The following RYR3 variants were observed in gnomAD, a reference collection of about 807,000 sequenced individuals.
The protein encoded by RYR3 is ryanodine receptor 3, also known as brain ryanodine receptor-calcium release channel.
RYR3 carries 207 observed loss-of-function variants against 584.3 expected under a neutral mutation model. The observed-to-expected ratio is 0.35, with a 90% CI of 0.32 to 0.40. RYR3 has a LOEUF of 0.40. Ranked by LOEUF, RYR3 falls within the 10% of genes least tolerant of loss-of-function variation. The probability of loss-of-function intolerance (pLI) is 1.00; values close to 1 mark genes in which losing one functional copy is unlikely to be tolerated. For synonymous variants in RYR3, 2,416 were observed against 2,248.5 expected, an observed-to-expected ratio of 1.07 and a Z score of -2.11; for missense variants, 5,616 against 6,089.2, an observed-to-expected ratio of 0.92 and a Z score of 2.59.
At chr15:33,405,434 T>C (rs889861231) in intron 1 of RYR3, among the ~76,000 whole-genome samples, 2 of 152,216 alleles carry the variant, frequency 1.3e-5, no homozygotes, top group Non-Finnish European at 2.9e-5. Context: ...CACCTGGGAC[T>C]ATGGGAGGTT....
At chr15:33,416,802 G>C (rs867527487) in intron 1 of RYR3, among the ~76,000 whole-genome samples, 2 of 152,042 alleles carry the variant, frequency 1.3e-5, no homozygotes, top group African/African-American at 4.8e-5. Context: ...ACATCTTCTT[G>C]TAGGATTTTT....
chr15:33,854,349 T>C (rs1455486442), intron 96 of RYR3, 40 bp from the exon 97 acceptor site: 1 of 1,523,276 alleles, frequency 6.6e-7, no homozygotes, highest in Non-Finnish European at 8.9e-7. Context: ...TAACTACCTC[T>C]TGACATTTAT....
intron 12 of RYR3, among the ~76,000 whole-genome samples, chr15:33,574,019 T>G (rs572868327): frequency 6.6e-6 from 1 of 152,222 alleles, no homozygotes; most frequent in Admixed American, 6.5e-5. Flanking sequence ...AGACAGAAAA[T>G]TAGACCTGAA....
chr15:33,422,391 G>A lies in RYR3; in HGVS notation c.52-51028G>A, dbSNP rs1040616689. Among the ~76,000 whole-genome samples, 15 of 152,234 alleles carry A rather than the reference G, an allele frequency of 9.9e-5. No homozygotes were observed. In the South Asian group the frequency reaches 1.2e-3, roughly 13 times the overall value. ...AACCATTTATGGAATACTAGTCCTT[G>A]TAGAGAAATATGGAATGGCATATTT... is the stretch of plus-strand genomic sequence containing the variant. On this transcript the variant is annotated intron_variant, in intron 1 of 103. Transcript: ENST00000634891.
At chr15:33,520,390 G>C (rs898136107) in intron 3 of RYR3, among the ~76,000 whole-genome samples, 3 of 152,154 alleles carry the variant, frequency 2.0e-5, no homozygotes, top group African/African-American at 7.2e-5. Flanking sequence ...GAAATAATTG[G>C]GCAGAGCTCT....
At chr15:33,861,419 A>G (rs886282331) in intron 102 of RYR3, among the ~76,000 whole-genome samples, 3 of 151,942 alleles carry the variant, frequency 2.0e-5, no homozygotes, top group African/African-American at 4.8e-5. Flanking sequence ...TCCATCCGGG[A>G]CACATACCTC....
intron 5 of RYR3, 67 bp downstream of exon 5, chr15:33,533,456 A>T: frequency 2.8e-6 from 3 of 1,079,556 alleles, no homozygotes; most frequent in Non-Finnish European, 4.2e-6. Flanking sequence ...TTTGAGAAGG[A>T]CCCTGAATGC....
Position 33,464,501 on chromosome 15 carries a change from T to C in RYR3, c.52-8918T>C, listed in dbSNP as rs369336704. Among the ~76,000 whole-genome samples the C allele has an allele frequency of 4.5e-3, 453 of 100,098 alleles. 6 individuals are homozygous for C. The highest frequency in any genetic ancestry group is 0.017 in the African/African-American group (405 of 24,230). 65.7% of individuals were successfully genotyped at this position (100,098 alleles called of 152,430 possible). A position where few individuals can be genotyped will look rare whatever the true frequency, so the allele number is the denominator to read the frequency against. Reference sequence around the variant, plus strand: ...ATATATATATATATACACATATATATATACATACACATACACATATATGTA... The same window carrying C: ...ATATATATATATATACACATATATACATACATACACATACACATATATGTA... On this transcript the variant is annotated intron_variant, in intron 1 of 103. Transcript: ENST00000634891.
chr15:33,416,239 CA>C (rs1456317763), intron 1 of RYR3, among the ~76,000 whole-genome samples: 4 of 152,114 alleles, frequency 2.6e-5, no homozygotes, highest in Non-Finnish European at 5.9e-5. Flanking sequence ...ATTGCTGGGT[CA>C]AATGGTAATT....
At chr15:33,789,006 C>G (rs2074921726) in intron 67 of RYR3, among the ~76,000 whole-genome samples, 1 of 152,066 alleles carries the variant, frequency 6.6e-6, no homozygotes, top group African/African-American at 2.4e-5. Flanking sequence ...ACTGAGAAAT[C>G]AACATTTGAG....
chr15:33,336,899 C>CA (rs1189219768), intron 1 of RYR3, among the ~76,000 whole-genome samples: 71 of 147,732 alleles, frequency 4.8e-4, no homozygotes, highest in South Asian at 2.2e-3. Context: ...ACTAAAAATA[C>CA]AAAAAAAAAT....
In RYR3 at chr15:33,843,589, A is replaced by G; in HGVS notation, c.13296+15A>G. ...TTTTTTATAAGGTGATACTTCATTC[A>G]GGGGTTATTTGCTAAATATGCTGTA... On this transcript the variant is annotated intron_variant, in intron 92 of 103. Coordinates refer to ENST00000634891, the MANE Select transcript of RYR3 (RefSeq NM_001036.6). The G allele has an allele frequency of 6.6e-7, 1 of 1,526,086 alleles. No homozygotes were observed. Among genetic ancestry groups the G allele is most frequent in the South Asian group, 1.2e-5 (1 of 84,962 alleles). 94.5% of individuals were successfully genotyped at this position (1,526,086 alleles called of 1,614,324 possible). A position where few individuals can be genotyped will look rare whatever the true frequency, so the allele number is the denominator to read the frequency against.
intron 3 of RYR3, among the ~76,000 whole-genome samples, chr15:33,518,335 G>T (rs2053692393): frequency 6.6e-6 from 1 of 152,118 alleles, no homozygotes; most frequent in Non-Finnish European, 1.5e-5. Flanking sequence ...CAAATGGATT[G>T]AATTATTATT....
intron 18 of RYR3, among the ~76,000 whole-genome samples, chr15:33,606,514 A>C (rs1653442038): frequency 6.6e-6 from 1 of 152,166 alleles, no homozygotes; most frequent in Admixed American, 6.5e-5. Context: ...TGTAGGGGAG[A>C]AGCAGCCTTA....
At chr15:33,532,499 G>C (rs934741767) in intron 4 of RYR3, among the ~76,000 whole-genome samples, 2 of 151,996 alleles carry the variant, frequency 1.3e-5, no homozygotes, top group Non-Finnish European at 2.9e-5. Context: ...TTAAATTTTT[G>C]AGTACAGGTT....
chr15:33,654,972 A>T (rs2062737062), intron 32 of RYR3, among the ~76,000 whole-genome samples: 2 of 152,212 alleles, frequency 1.3e-5, no homozygotes, highest in African/African-American at 4.8e-5. Context: ...ATGTTCATTG[A>T]CTAAGAACAG....
At chr15:33,704,532 C>T (rs1282052784) in intron 42 of RYR3, among the ~76,000 whole-genome samples, 1 of 152,172 alleles carries the variant, frequency 6.6e-6, no homozygotes, top group Non-Finnish European at 1.5e-5. Flanking sequence ...AATGCTGTGT[C>T]TATTCATGGT....
intron 10 of RYR3, among the ~76,000 whole-genome samples, chr15:33,551,483 G>A (rs758831998): frequency 6.6e-5 from 10 of 152,126 alleles, no homozygotes; most frequent in African/African-American, 1.7e-4. Context: ...GCAGGGGTTC[G>A]GAGTCTGTTT....
rs779740941 is a variant in RYR3 at position 33,810,646 on chromosome 15, C to A, written c.10194C>A (p.Ser3398Arg). 14 of 1,613,860 alleles carry A rather than the reference C, an allele frequency of 8.7e-6. No homozygotes were observed. The highest frequency in any genetic ancestry group is 1.2e-5 in the Non-Finnish European group (14 of 1,179,888). Reference protein sequence around the residue: ...ELISLAKSRYSHRDTDEEVRE... With the variant: ...ELISLAKSRYRHRDTDEEVRE... The stretch of plus-strand genomic sequence containing the variant: ...TCTCCCTCGCAAAATCGCGATACAG[C>A]CATGTAAGCTGCCCGTCTGCCTGGG... The change falls in exon 71 of 104, where the codon AGC becomes AGA. Residue 3398 changes from serine to arginine, a missense_variant. Around this residue, in one of 9 missense-constraint regions of RYR3, gnomAD observed 954 missense variants for 1,132.2 expected, o/e 0.84. Transcript: ENST00000634891.
Sources: gnomAD v4.1 joint callset for allele counts (sites outside exome capture counted in the v4.1 genomes callset) on GRCh38, gnomAD v4.1.1 for gene constraint, gnomAD v4.1.1 regional missense constraint, MANE v1.5 for transcripts, NCBI Gene and HGNC (gene_info 2026-07-23, HGNC 2026-07-21) for gene names.